The following GAB2 variants were observed in gnomAD, a reference collection of about 807,000 sequenced individuals.
GAB2 encodes GRB2 associated binding protein 2.
In GAB2, 26 loss-of-function variants were observed where a neutral mutation model predicts 65.5. That is an observed-to-expected ratio of 0.40 (90% CI 0.29 to 0.55). The LOEUF (loss-of-function observed/expected upper bound fraction) is 0.55, where lower values mean the gene tolerates loss of function less well. Ranked by LOEUF, GAB2 falls within the 20% of genes least tolerant of loss-of-function variation. GAB2 has a pLI of 0.53. For synonymous variants in GAB2, 321 were observed against 329.6 expected, an observed-to-expected ratio of 0.97 and a Z score of 0.28; for missense variants, 884 against 875.8, an observed-to-expected ratio of 1.01 and a Z score of -0.12.
intron 2 of GAB2, among the ~76,000 whole-genome samples, chr11:78,261,378 C>T (rs1223991095): frequency 1.3e-5 from 2 of 152,192 alleles, no homozygotes; most frequent in Non-Finnish European, 1.5e-5. Flanking sequence ...GGAATCTTTC[C>T]TCCCTGGGTT....
chr11:78,378,742 C>T (rs1856663277), intron 1 of GAB2, among the ~76,000 whole-genome samples: 1 of 152,160 alleles, frequency 6.6e-6, no homozygotes, highest in Non-Finnish European at 1.5e-5. Flanking sequence ...CCTCCTGCCT[C>T]CATCTCCCAA....
rs1591069417 is a variant in GAB2, at chr11:78,368,917, CAAATTTTTTAAAAATTAAA to C, written c.75+48710_75+48728del. Among the ~76,000 whole-genome samples the C allele has an allele frequency of 7.9e-5, 12 of 151,738 alleles. No individual in the cohort carries two copies. In the South Asian group the frequency reaches 2.3e-3, roughly 29 times the overall value. ...CACAGCGAGACCCCATCGCTACAAA[CAAATTTTTTAAAAATTAAA>C]AAATTTTTTAATTTGTTTAAAATTA... On this transcript the variant is annotated intron_variant, in intron 1 of 9. Coordinates refer to ENST00000361507, the MANE Select transcript of GAB2 (RefSeq NM_080491.3).
At chr11:78,400,954 G>A (rs1856963685) in intron 1 of GAB2, among the ~76,000 whole-genome samples, 1 of 149,328 alleles carries the variant, frequency 6.7e-6, no homozygotes. Flanking sequence ...GAAGCAGCAG[G>A]CATGTCTTCC....
intron 1 of GAB2, chr11:78,318,328 G>A (rs1855652994): frequency 1.5e-5 from 2 of 132,098 alleles, no homozygotes; most frequent in African/African-American, 3.2e-5. Flanking sequence ...AGCGGTGGGA[G>A]CCAGTCAGGA....
chr11:78,220,465 CTG>C (rs763233223), intron 8 of GAB2, 21 bp from the exon 9 acceptor site: 5 of 1,546,916 alleles, frequency 3.2e-6, no homozygotes, highest in Non-Finnish European at 3.5e-6. Context: ...GAGGAAAAAA[CTG>C]TGAGTGACTG....
intron 1 of GAB2, among the ~76,000 whole-genome samples, chr11:78,316,648 G>C (rs975655651): frequency 1.3e-5 from 2 of 152,198 alleles, no homozygotes; most frequent in African/African-American, 4.8e-5. Context: ...GTGTTGGTGA[G>C]AATATGGAGA....
chr11:78,343,682 G>A (rs1856137118), intron 1 of GAB2, among the ~76,000 whole-genome samples: 2 of 152,118 alleles, frequency 1.3e-5, no homozygotes, highest in Non-Finnish European at 1.5e-5. Context: ...TACAAATGTA[G>A]CGTGAGGCAC....
chr11:78,411,685 A>G (rs1857130764), intron 1 of GAB2, among the ~76,000 whole-genome samples: 2 of 152,112 alleles, frequency 1.3e-5, no homozygotes, highest in Non-Finnish European at 2.9e-5. Context: ...ATTAACTCAC[A>G]GTGGATCACG....
intron 1 of GAB2, among the ~76,000 whole-genome samples, chr11:78,304,978 C>T (rs1855325592): frequency 6.6e-6 from 1 of 152,144 alleles, no homozygotes; most frequent in Non-Finnish European, 1.5e-5. Flanking sequence ...CTTGAATGCC[C>T]AAAAGCCTTC....
chr11:78,281,892 GGGTGA>G (rs1368268604), intron 1 of GAB2, among the ~76,000 whole-genome samples: 17 of 152,198 alleles, frequency 1.1e-4, no homozygotes, highest in African/African-American at 3.6e-4. Flanking sequence ...CACTAAGGCA[GGGTGA>G]GTTGAAGTAA....
intron 1 of GAB2, among the ~76,000 whole-genome samples, chr11:78,398,153 T>C (rs941558032): frequency 6.6e-5 from 10 of 152,234 alleles, no homozygotes; most frequent in Admixed American, 2.0e-4. Flanking sequence ...TTTCCCCTGC[T>C]CTTGCAAGTC....
At chr11:78,238,464 C>T (rs1482735332) in intron 3 of GAB2, among the ~76,000 whole-genome samples, 2 of 149,284 alleles carry the variant, frequency 1.3e-5, no homozygotes, top group African/African-American at 5.0e-5. Flanking sequence ...GCCTAGGTGC[C>T]AGACTGAGAC....
At chr11:78,361,356 T>C (rs1856432353) in intron 1 of GAB2, among the ~76,000 whole-genome samples, 1 of 152,054 alleles carries the variant, frequency 6.6e-6, no homozygotes, top group Non-Finnish European at 1.5e-5. Context: ...CACAGAAACC[T>C]ATAAATCTAA....
chr11:78,244,738 A>G (rs1165193561), intron 3 of GAB2, among the ~76,000 whole-genome samples: 1 of 151,016 alleles, frequency 6.6e-6, no homozygotes, highest in Non-Finnish European at 1.5e-5. Context: ...CCACAATGAG[A>G]TATTATCTCA....
chr11:78,268,234 A>C (rs1865917742), intron 2 of GAB2, among the ~76,000 whole-genome samples: 1 of 152,160 alleles, frequency 6.6e-6, no homozygotes, highest in South Asian at 2.1e-4. Flanking sequence ...TTTGGAAATC[A>C]CTCCTAGTTT....
At chr11:78,233,709 C>T (rs535628891) in intron 3 of GAB2, among the ~76,000 whole-genome samples, 12 of 152,226 alleles carry the variant, frequency 7.9e-5, no homozygotes, top group South Asian at 2.1e-4. Context: ...TGGGTTCAAG[C>T]GATTCTCCAG....
At chr11:78,270,898 G>C (rs1187872255) in intron 2 of GAB2, among the ~76,000 whole-genome samples, 1 of 152,228 alleles carries the variant, frequency 6.6e-6, no homozygotes, top group Non-Finnish European at 1.5e-5. Flanking sequence ...ACCTCCAAGA[G>C]GGAAAGTGAT....
intron 6 of GAB2, among the ~76,000 whole-genome samples, chr11:78,223,157 T>G (rs536326604): frequency 6.6e-6 from 1 of 152,194 alleles, no homozygotes; most frequent in Non-Finnish European, 1.5e-5. Flanking sequence ...CTGGTCTACA[T>G]GCAGGGGGCA....
intron 1 of GAB2, among the ~76,000 whole-genome samples, chr11:78,328,234 C>T (rs1339838398): frequency 6.6e-6 from 1 of 152,184 alleles, no homozygotes; most frequent in East Asian, 1.9e-4. Context: ...AATGGGATGA[C>T]AAAAACAATT....
Sources: allele counts gnomAD v4.1 joint callset (sites outside exome capture counted in the v4.1 genomes callset), GRCh38; gene constraint gnomAD v4.1.1; transcripts MANE v1.5; gene names NCBI Gene and HGNC (gene_info 2026-07-23, HGNC 2026-07-21).